Variants in TCEA3 observed in about 807,000 individuals in gnomAD.
TCEA3 encodes the protein transcription elongation factor A protein 3.
TCEA3 carries 36 observed loss-of-function variants against 44.0 expected under a neutral mutation model. The ratio of observed to expected loss-of-function variants is 0.82; its 90% confidence interval spans 0.63 to 1.08. The LOEUF (loss-of-function observed/expected upper bound fraction) is 1.08, where lower values mean the gene tolerates loss of function less well. Among genes scored for constraint, TCEA3 ranks in the 50% least tolerant of loss-of-function variants. The pLI, the probability that TCEA3 is intolerant of heterozygous loss-of-function variation, is 0.00. For synonymous variants in TCEA3, 162 were observed against 159.7 expected, an observed-to-expected ratio of 1.01 and a Z score of -0.11; for missense variants, 392 against 441.2, an observed-to-expected ratio of 0.89 and a Z score of 1.00.
At chr1:23,384,735 C>T (rs1164955809) in intron 9 of TCEA3, among the ~76,000 whole-genome samples, 6 of 145,204 alleles carry the variant, frequency 4.1e-5, no homozygotes, top group South Asian at 2.3e-4. Context: ...GGTGCCATCT[C>T]GGCTCACTGC....
Position 23,418,001 on chromosome 1 carries a change from C to A in TCEA3, c.141G>T (p.Arg47Ser). The change falls in exon 3 of 11, where the codon AGG becomes AGT. Residue 47 changes from arginine (R) to serine (S), a missense_variant. Coordinates refer to ENST00000450454, the MANE Select transcript of TCEA3 (RefSeq NM_003196.3). ...GGACCCCATTAACAGCAACTCCAAT[C>A]CTGGTTGTCTGCAAAGTGAGAGGGT... The part of the protein sequence containing the change: ...QMSIQLLQTT[R>S]IGVAVNGVRK... 1 of 1,614,052 alleles carries A rather than the reference C, an allele frequency of 6.2e-7. No individual in the cohort carries two copies. The highest frequency in any genetic ancestry group is 8.5e-7 in the Non-Finnish European group (1 of 1,179,890).
At chr1:23,418,995 A>T (rs1570294498) in intron 2 of TCEA3, 82 bp downstream of exon 2, 1 of 700,930 alleles carries the variant, frequency 1.4e-6, no homozygotes, top group East Asian at 1.2e-4. Flanking sequence ...CCCAGACTCC[A>T]CCTTCCCCCA....
chr1:23,418,102 C>T, intron 2 of TCEA3, 93 bp from the exon 3 acceptor site: 1 of 1,268,934 alleles, frequency 7.9e-7, no homozygotes. Flanking sequence ...CTACCACCAC[C>T]TCCCCTTCCA....
chr1:23,396,384 G>C (rs1236219587), intron 7 of TCEA3, among the ~76,000 whole-genome samples: 1 of 151,312 alleles, frequency 6.6e-6, no homozygotes, highest in Non-Finnish European at 1.5e-5. Context: ...TGGGGGCCAA[G>C]TGGGGTGGGA....
intron 9 of TCEA3, among the ~76,000 whole-genome samples, chr1:23,386,553 T>C (rs772513745): frequency 6.6e-6 from 1 of 151,532 alleles, no homozygotes; most frequent in Non-Finnish European, 1.5e-5. Context: ...AGAGAGGTTT[T>C]CTTTTTGTTG....
At chr1:23,403,200 G>GT (rs1558049712) in intron 5 of TCEA3, among the ~76,000 whole-genome samples, 2 of 152,206 alleles carry the variant, frequency 1.3e-5, no homozygotes, top group African/African-American at 4.8e-5. Flanking sequence ...GAGCCCCAAC[G>GT]AATGACAGTA....
intron 5 of TCEA3, among the ~76,000 whole-genome samples, chr1:23,402,588 G>A (rs990664045): frequency 6.6e-6 from 1 of 152,154 alleles, no homozygotes; most frequent in African/African-American, 2.4e-5. Context: ...CATGAGGGAG[G>A]CCTTCCCTCA....
rs751413409 is a variant in TCEA3 at position 23,397,544 on chromosome 1, T to A, written c.664+1A>T. 8 of 1,613,710 alleles carry A rather than the reference T, an allele frequency of 5.0e-6. No individual in the cohort carries two copies. The Middle Eastern group carries it at 6.7e-4, about 135-fold the overall frequency. On this transcript the variant is annotated splice_donor_variant, in intron 7 of 10. Transcript: ENST00000450454. LOFTEE classifies it high-confidence loss of function. ...ACAGCCCCGGCACAGTTCAAGGATATGATCTTCGATTTCTGATGCCATCTT... is the reference window on the plus strand; with the variant it reads ...ACAGCCCCGGCACAGTTCAAGGATAAGATCTTCGATTTCTGATGCCATCTT...
At chr1:23,391,480 G>C (rs187353874) in intron 8 of TCEA3, among the ~76,000 whole-genome samples, 9 of 152,194 alleles carry the variant, frequency 5.9e-5, no homozygotes, top group East Asian at 3.9e-4. Context: ...CTCTGGTGCA[G>C]GGGATTAGTG....
intron 1 of TCEA3, 37 bp downstream of exon 1, chr1:23,424,528 G>C (rs1277324312): frequency 1.1e-5 from 17 of 1,577,360 alleles, no homozygotes; most frequent in Non-Finnish European, 1.1e-5. Context: ...CGCGCCTCCC[G>C]GGGGCGGGGG....
Position 23,424,550 on chromosome 1 carries a change from A to T in TCEA3, c.69+15T>A, listed in dbSNP as rs1485181821. 6.2e-7 allele frequency: 1 copy of T among 1,603,152 alleles called. No individual in the cohort carries two copies. The highest frequency in any genetic ancestry group is 1.7e-5 in the Admixed American group (1 of 59,672). On this transcript the variant is annotated intron_variant, in intron 1 of 10. Coordinates refer to ENST00000450454, the MANE Select transcript of TCEA3 (RefSeq NM_003196.3). The stretch of plus-strand genomic sequence containing the variant: ...CCCGGGGGCGGGGGCCGTGGCCCAA[A>T]CTCTGCAGCCTCACCGTGTTCTTCC...
At chr1:23,408,270 G>C (rs1013964544) in intron 5 of TCEA3, among the ~76,000 whole-genome samples, 1 of 152,114 alleles carries the variant, frequency 6.6e-6, no homozygotes, top group Admixed American at 6.6e-5. Flanking sequence ...CCTAGGTATC[G>C]GCTTTCAAGA....
rs749402026 is a variant in TCEA3 at position 23,397,602 on chromosome 1, C to G, written c.608-1G>C. 6.2e-7 allele frequency: 1 copy of G among 1,613,648 alleles called. No homozygotes were observed. The highest frequency in any genetic ancestry group is 8.5e-7 in the Non-Finnish European group (1 of 1,179,774). On this transcript the variant is annotated splice_acceptor_variant, in intron 6 of 10. Coordinates refer to ENST00000450454, the MANE Select transcript of TCEA3 (RefSeq NM_003196.3). LOFTEE classifies it high-confidence loss of function. ...TTGACTCCATAGTCCTTGTAATCAT[C>G]TAAAAGAGATTCGAGAAATACAGGT...
chr1:23,418,932 G>T, intron 2 of TCEA3, 145 bp downstream of exon 2: 1 of 487,382 alleles, frequency 2.1e-6, no homozygotes. Flanking sequence ...GTCCCTCCCT[G>T]GGAGGTCTCC....
chr1:23,390,530 A>G (rs1173092111), intron 8 of TCEA3, among the ~76,000 whole-genome samples: 1 of 152,168 alleles, frequency 6.6e-6, no homozygotes, highest in Non-Finnish European at 1.5e-5. Flanking sequence ...TCAGAGGACA[A>G]GAATAGCATG....
chr1:23,391,794 AC>A (rs1489423743), intron 8 of TCEA3, among the ~76,000 whole-genome samples: 1 of 151,936 alleles, frequency 6.6e-6, no homozygotes, highest in Non-Finnish European at 1.5e-5. Context: ...ATGGTGGCAC[AC>A]CCCTGTAATC....
At position 23,380,933 on chromosome 1, in the gene TCEA3, G is replaced by C. The variant is rs1386175277; in HGVS notation, c.*533C>G. 6.5e-6 allele frequency: 1 copy of C among 154,214 alleles called. No homozygotes were observed. Among genetic ancestry groups the C allele is most frequent in the African/African-American group, 2.4e-5 (1 of 41,426 alleles). The allele number at this position is 154,214 out of a possible 1,614,324, so 9.6% of individuals were successfully genotyped here. On this transcript the variant is annotated 3_prime_UTR_variant, in exon 11 of 11. Coordinates refer to ENST00000450454, the MANE Select transcript of TCEA3 (RefSeq NM_003196.3). ...AGTTCTGCACGTGTGACTCGGAGGT[G>C]GGGGTGGGGTAAGGTTTGTGTTGAT...
rs565087211 is a variant in TCEA3, at chr1:23,415,275, G to A, written c.380+1974C>T. 7.9e-5 allele frequency among the ~76,000 whole-genome samples: 12 copies of A among 152,096 alleles called. No homozygotes were observed. In the East Asian group the frequency reaches 1.7e-3, roughly 22 times the overall value. Reference sequence around the variant, plus strand: ...TGACCTCAGGTGATCCACCCACCTCGGCCTCCCAAAGCGCTGGGATTACAG... The same window carrying A: ...TGACCTCAGGTGATCCACCCACCTCAGCCTCCCAAAGCGCTGGGATTACAG... On this transcript the variant is annotated intron_variant, in intron 4 of 10. Transcript: ENST00000450454.
At position 23,387,555 on chromosome 1, in the gene TCEA3, T is replaced by C. The variant is rs1638887046; in HGVS notation, c.820-136A>G. ...GCAAGGAGCTGGAAGGAGGCCTGGA[T>C]TCCGGGTCCTGCCCCAGCTGGGAGA... On this transcript the variant is annotated intron_variant, in intron 8 of 10. Transcript: ENST00000450454. 3.7e-6 allele frequency: 4 copies of C among 1,091,086 alleles called. No individual in the cohort carries two copies. In the African/African-American group the frequency reaches 4.8e-5, roughly 13 times the overall value. The allele number at this position is 1,091,086 out of a possible 1,614,324, so 67.6% of individuals were successfully genotyped here.
Sources: gnomAD v4.1 joint callset for allele counts (sites outside exome capture counted in the v4.1 genomes callset) on GRCh38, gnomAD v4.1.1 for gene constraint, MANE v1.5 for transcripts, NCBI Gene and HGNC (gene_info 2026-07-23, HGNC 2026-07-21) for gene names.